NWD2: variants seen among roughly 807,000 people sequenced by gnomAD.
NWD2 encodes NACHT and WD repeat domain-containing protein 2.
In NWD2, 37 loss-of-function variants were observed where a neutral mutation model predicts 132.7. The observed-to-expected ratio is 0.28, with a 90% CI of 0.21 to 0.37. NWD2 has a LOEUF of 0.37. NWD2 is among the 10% of genes least tolerant of loss of function. NWD2 has a pLI of 1.00. For synonymous variants in NWD2, 705 were observed against 803.0 expected, an observed-to-expected ratio of 0.88 and a Z score of 2.06; for missense variants, 1,592 against 2,122.4, an observed-to-expected ratio of 0.75 and a Z score of 4.91.
At chr4:37,327,924 C>T (rs1397078847) in intron 2 of NWD2, among the ~76,000 whole-genome samples, 1 of 152,096 alleles carries the variant, frequency 6.6e-6, no homozygotes, top group African/African-American at 2.4e-5. Context: ...TACCGGTCTA[C>T]TTCATGCTTG....
chr4:37,357,253 G>A (rs1719887849), intron 3 of NWD2, among the ~76,000 whole-genome samples: 1 of 152,028 alleles, frequency 6.6e-6, no homozygotes, highest in African/African-American at 2.4e-5. Flanking sequence ...ACAGACGAGT[G>A]TTAAAATTAC....
At chr4:37,304,328 T>A (rs1018094700) in intron 1 of NWD2, among the ~76,000 whole-genome samples, 3 of 152,290 alleles carry the variant, frequency 2.0e-5, no homozygotes, top group African/African-American at 7.2e-5. Flanking sequence ...GATATGAGAT[T>A]TGGGTGGAGA....
At chr4:37,403,645 C>G (rs1340415522) in intron 3 of NWD2, among the ~76,000 whole-genome samples, 1 of 144,782 alleles carries the variant, frequency 6.9e-6, no homozygotes, top group Non-Finnish European at 1.5e-5. Flanking sequence ...CTCTCTAGGA[C>G]AAAGCTATAA....
intron 1 of NWD2, among the ~76,000 whole-genome samples, chr4:37,321,561 C>A (rs1163442052): frequency 6.6e-6 from 1 of 152,172 alleles, no homozygotes; most frequent in Non-Finnish European, 1.5e-5. Context: ...TTAAGACATA[C>A]CTCATCTTTG....
intron 1 of NWD2, among the ~76,000 whole-genome samples, chr4:37,292,993 G>T (rs1368533027): frequency 6.6e-6 from 1 of 152,164 alleles, no homozygotes; most frequent in Admixed American, 6.5e-5. Context: ...GGGGGCCTCT[G>T]CTCTAAAATG....
chr4:37,353,831 C>T (rs749743461), intron 2 of NWD2, among the ~76,000 whole-genome samples: 7 of 151,930 alleles, frequency 4.6e-5, no homozygotes, highest in Non-Finnish European at 7.4e-5. Flanking sequence ...ACCCATCTTC[C>T]GAAGCCTACT....
intron 3 of NWD2, among the ~76,000 whole-genome samples, chr4:37,369,289 T>C (rs1345470867): frequency 1.3e-5 from 2 of 152,120 alleles, no homozygotes; most frequent in Non-Finnish European, 2.9e-5. Context: ...TTTAATGAAT[T>C]TAAGGTATAT....
intron 3 of NWD2, among the ~76,000 whole-genome samples, chr4:37,386,319 C>A (rs562125732): frequency 1.3e-5 from 2 of 152,126 alleles, no homozygotes; most frequent in South Asian, 4.2e-4. Context: ...TGACATGAAA[C>A]CATCATGAAT....
At chr4:37,273,999 C>T (rs867529608) in intron 1 of NWD2, among the ~76,000 whole-genome samples, 2 of 151,962 alleles carry the variant, frequency 1.3e-5, no homozygotes, top group South Asian at 4.2e-4. Flanking sequence ...AAATTGACAC[C>T]TTAACATCCC....
At chr4:37,314,370 T>G (rs1718915799) in intron 1 of NWD2, among the ~76,000 whole-genome samples, 1 of 152,230 alleles carries the variant, frequency 6.6e-6, no homozygotes, top group South Asian at 2.1e-4. Context: ...AATTTTGTCT[T>G]TATATAATTT....
chr4:37,262,186 G>A (rs1717650638), intron 1 of NWD2, among the ~76,000 whole-genome samples: 1 of 152,184 alleles, frequency 6.6e-6, no homozygotes, highest in South Asian at 2.1e-4. Flanking sequence ...GGATCATGTG[G>A]AGCCAGCATG....
chr4:37,321,572 A>T (rs1719069186), intron 1 of NWD2, among the ~76,000 whole-genome samples: 2 of 152,274 alleles, frequency 1.3e-5, no homozygotes, highest in East Asian at 1.9e-4. Context: ...CTCATCTTTG[A>T]TTTACACTGT....
chr4:37,262,154 G>A (rs982155394), intron 1 of NWD2, among the ~76,000 whole-genome samples: 1 of 152,190 alleles, frequency 6.6e-6, no homozygotes, highest in Non-Finnish European at 1.5e-5. Flanking sequence ...TAAGAAATAA[G>A]ATCAAGGAAC....
intron 1 of NWD2, among the ~76,000 whole-genome samples, chr4:37,292,257 G>A (rs1292950501): frequency 2.0e-5 from 3 of 152,020 alleles, no homozygotes; most frequent in Non-Finnish European, 4.4e-5. Context: ...TTTATATGTT[G>A]AAAATGTGAT....
At chr4:37,367,156 T>G (rs1014075689) in intron 3 of NWD2, among the ~76,000 whole-genome samples, 3 of 152,070 alleles carry the variant, frequency 2.0e-5, no homozygotes, top group African/African-American at 7.2e-5. Flanking sequence ...CTCGGTGGAA[T>G]TAAAAACTGA....
At chr4:37,390,380 TTCACGTGTGTGCTTGGGCATAA>T (rs1720658370) in intron 3 of NWD2, among the ~76,000 whole-genome samples, 1 of 151,434 alleles carries the variant, frequency 6.6e-6, no homozygotes, top group Admixed American at 6.6e-5. Flanking sequence ...TTAAACTATA[TTCACGTGTGTGCTTGGGCATAA>T]TCTGAAATTT....
At chr4:37,334,232 C>T (rs1442802913) in intron 2 of NWD2, among the ~76,000 whole-genome samples, 1 of 152,174 alleles carries the variant, frequency 6.6e-6, no homozygotes, top group African/African-American at 2.4e-5. Flanking sequence ...CCAAATAAGA[C>T]CACCTCAAGA....
At chr4:37,321,537 G>GTA (rs10682100) in intron 1 of NWD2, among the ~76,000 whole-genome samples, 5,183 of 152,222 alleles carry the variant, frequency 0.034, 303 homozygotes, top group African/African-American at 0.12. Context: ...CGATGACTAT[G>GTA]TATAAAACAT....
chr4:37,435,120 C>T (rs1712288894), intron 5 of NWD2, among the ~76,000 whole-genome samples: 1 of 152,136 alleles, frequency 6.6e-6, no homozygotes, highest in South Asian at 2.1e-4. Flanking sequence ...CAGGAAATTA[C>T]AGAACTGAAG....
Sources: gnomAD v4.1 joint callset for allele counts (sites outside exome capture counted in the v4.1 genomes callset) on GRCh38, gnomAD v4.1.1 for gene constraint, MANE v1.5 for transcripts, NCBI Gene and HGNC (gene_info 2026-07-23, HGNC 2026-07-21) for gene names.